ELAPOR1: variants seen among roughly 807,000 people sequenced by gnomAD.
ELAPOR1 encodes the protein endosome/lysosome-associated apoptosis and autophagy regulator 1.
A neutral mutation model predicts 119.7 loss-of-function variants in ELAPOR1; 77 were observed. That is an observed-to-expected ratio of 0.64 (90% confidence interval 0.54 to 0.78). The LOEUF (loss-of-function observed/expected upper bound fraction) is 0.78. Among genes scored for constraint, ELAPOR1 ranks in the 30% least tolerant of loss-of-function variants. The pLI is 0.00. For missense variants in ELAPOR1, 1,115 were observed against 1,270.4 expected (o/e 0.88, Z 1.86); for synonymous variants, 481 against 487.2 (o/e 0.99, Z 0.17).
chr1:109,166,204 G>A (rs1203627229), intron 3 of ELAPOR1, among the ~76,000 whole-genome samples: 1 of 151,266 alleles, frequency 6.6e-6, no homozygotes, highest in Admixed American at 6.6e-5. Flanking sequence ...GTGAGCCACC[G>A]CACCCAGCTA....
rs1257784315 is a variant in ELAPOR1 at position 109,200,804 on chromosome 1, C to G, written c.2877C>G (p.Asp959Glu). 5.6e-6 allele frequency: 9 copies of G among 1,614,218 alleles called. No individual in the cohort carries two copies. Among genetic ancestry groups the G allele is most frequent in the Non-Finnish European group, 7.6e-6 (9 of 1,180,030 alleles). ...AGGACTGTGACCTGCCAGCAGCTGACAGCTGCGCCATCATGGAAGGCGAGG... is the reference window on the plus strand; with the variant it reads ...AGGACTGTGACCTGCCAGCAGCTGAGAGCTGCGCCATCATGGAAGGCGAGG... Reference protein sequence around the residue: ...TLKDCDLPAADSCAIMEGEDV... With the variant: ...TLKDCDLPAAESCAIMEGEDV... Residue 959 changes from aspartate to glutamate, a missense_variant, in exon 21 of 22, where the codon GAC becomes GAG. Coordinates refer to ENST00000369939, the MANE Select transcript of ELAPOR1 (RefSeq NM_020775.5).
intron 5 of ELAPOR1, 68 bp downstream of exon 5, chr1:109,172,636 G>A: frequency 8.5e-7 from 1 of 1,182,918 alleles, no homozygotes; most frequent in Admixed American, 1.8e-5. Context: ...CTCAGAGAGT[G>A]CTTCCTCCCA....
chr1:109,202,427 T>C (rs1654233182), intron 21 of ELAPOR1, among the ~76,000 whole-genome samples: 2 of 148,222 alleles, frequency 1.3e-5, no homozygotes, highest in Admixed American at 1.4e-4. Context: ...GCCAAAAACA[T>C]TTTTTTAAAA....
rs953818223 is a variant in ELAPOR1 at position 109,114,348 on chromosome 1, C to G, written c.153+12C>G. The stretch of plus-strand genomic sequence containing the variant: ...ATGCCTGCAAAGAGGTACTGCCGCC[C>G]CCCTACCCGATCCCGCTTTGGTCAC... On this transcript the variant is annotated intron_variant, in intron 1 of 21. Transcript: ENST00000369939. 1.3e-6 allele frequency: 2 copies of G among 1,568,482 alleles called. No individual in the cohort carries two copies. The highest frequency in any genetic ancestry group is 1.7e-6 in the Non-Finnish European group (2 of 1,156,848).
intron 1 of ELAPOR1, among the ~76,000 whole-genome samples, chr1:109,136,687 A>C (rs545821789): frequency 1.0e-3 from 153 of 152,334 alleles, no homozygotes; most frequent in African/African-American, 3.5e-3. Context: ...AATTGTAGGT[A>C]TAATTACTGC....
intron 7 of ELAPOR1, among the ~76,000 whole-genome samples, chr1:109,178,954 T>A (rs35522814): frequency 6.8e-6 from 1 of 146,708 alleles, no homozygotes; most frequent in Non-Finnish European, 1.5e-5. Context: ...GACAGAATAA[T>A]ACTGTCTCAA....
chr1:109,187,413 G>A, intron 8 of ELAPOR1: 3 of 988,316 alleles, frequency 3.0e-6, no homozygotes, highest in Non-Finnish European at 3.6e-6. Context: ...TTAAGGACTT[G>A]TTTCTTATCT....
At chr1:109,118,316 A>C (rs1045896577) in intron 1 of ELAPOR1, among the ~76,000 whole-genome samples, 2 of 152,234 alleles carry the variant, frequency 1.3e-5, no homozygotes, top group Non-Finnish European at 2.9e-5. Context: ...ACTTGCAAGC[A>C]GACCAGCTGG....
At chr1:109,173,011 C>T (rs1366853433) in intron 5 of ELAPOR1, among the ~76,000 whole-genome samples, 1 of 150,264 alleles carries the variant, frequency 6.7e-6, no homozygotes, top group Non-Finnish European at 1.5e-5. Context: ...GCAGGAGACT[C>T]GCTTGAACCC....
chr1:109,199,829 T>C (rs769380280), intron 18 of ELAPOR1, 25 bp from the exon 19 acceptor site: 2 of 1,606,760 alleles, frequency 1.2e-6, no homozygotes, highest in South Asian at 1.1e-5. Context: ...GAGTGAGAGC[T>C]CAGGTCTCTT....
At chr1:109,183,340 A>C (rs1204580171) in intron 7 of ELAPOR1, among the ~76,000 whole-genome samples, 3 of 45,344 alleles carry the variant, frequency 6.6e-5, no homozygotes, top group African/African-American at 1.1e-4. Context: ...AAAAAAAAAA[A>C]AAAAAAAACA....
intron 1 of ELAPOR1, among the ~76,000 whole-genome samples, chr1:109,125,298 T>C (rs1204295173): frequency 6.6e-6 from 1 of 151,990 alleles, no homozygotes; most frequent in Non-Finnish European, 1.5e-5. Context: ...CTCGAACTCC[T>C]GACCTCAAGT....
chr1:109,176,855 G>T (rs1312422275), intron 7 of ELAPOR1, among the ~76,000 whole-genome samples: 1 of 142,088 alleles, frequency 7.0e-6, no homozygotes, highest in Non-Finnish European at 1.5e-5. Context: ...AGCACATCTT[G>T]CACCGCCCTT....
At position 109,192,829 on chromosome 1, in the gene ELAPOR1, T is replaced by A. The variant is rs767858845; in HGVS notation, c.1902T>A (p.Gly634=). The A allele has an allele frequency of 6.2e-7, 1 of 1,614,094 alleles. No individual in the cohort carries two copies. The highest frequency in any genetic ancestry group is 8.5e-7 in the Non-Finnish European group (1 of 1,180,032). ...TTCTGAAAGCCCACCAGCCTTATGG[T>A]GTCCAGGCCTGTGTGCCCTGTGGTC... The part of the protein sequence containing the change: ...NTILKAHQPY[G]VQACVPCGPG... Residue 634 remains glycine (G), a synonymous_variant, in exon 14 of 22, where the codon GGT becomes GGA. Coordinates refer to ENST00000369939, the MANE Select transcript of ELAPOR1 (RefSeq NM_020775.5).
intron 1 of ELAPOR1, among the ~76,000 whole-genome samples, chr1:109,149,957 G>C (rs1031750346): frequency 6.6e-6 from 1 of 152,180 alleles, no homozygotes; most frequent in African/African-American, 2.4e-5. Flanking sequence ...GTACAGTGCC[G>C]GGCCCCGAGC....
At chr1:109,185,270 AGG>A in intron 8 of ELAPOR1, 137 bp downstream of exon 8, 1 of 674,776 alleles carries the variant, frequency 1.5e-6, no homozygotes, top group Admixed American at 2.7e-5. Context: ...AGGTGACCCT[AGG>A]GCTAGGTGGG....
chr1:109,114,273 C>G lies in ELAPOR1; in HGVS notation c.90C>G (p.Leu30=). Residue 30 remains leucine (L), a synonymous_variant, in exon 1 of 22, where the codon CTC becomes CTG. Coordinates refer to ENST00000369939, the MANE Select transcript of ELAPOR1 (RefSeq NM_020775.5). ...TACCCCGGCTGTGGCGGCTGCTGCTCTGGGCTGGGACCGCCTTCCAGGTGA... is the reference window on the plus strand; with the variant it reads ...TACCCCGGCTGTGGCGGCTGCTGCTGTGGGCTGGGACCGCCTTCCAGGTGA... ...RRIPRLWRLL[L]WAGTAFQVTQ... The G allele has an allele frequency of 1.9e-6, 3 of 1,600,410 alleles. No individual in the cohort carries two copies. Among genetic ancestry groups the G allele is most frequent in the Non-Finnish European group, 2.6e-6 (3 of 1,173,776 alleles).
intron 7 of ELAPOR1, among the ~76,000 whole-genome samples, chr1:109,184,797 G>A (rs1183585903): frequency 6.6e-6 from 1 of 152,206 alleles, no homozygotes; most frequent in Non-Finnish European, 1.5e-5. Flanking sequence ...GGCGGGGGAC[G>A]GGAAGCGGCA....
At chr1:109,130,357 G>T (rs1649074845) in intron 1 of ELAPOR1, among the ~76,000 whole-genome samples, 1 of 152,100 alleles carries the variant, frequency 6.6e-6, no homozygotes, top group Non-Finnish European at 1.5e-5. Flanking sequence ...TGTATGGGTT[G>T]GAGTGGTTAA....
Sources: allele counts gnomAD v4.1 joint callset (sites outside exome capture counted in the v4.1 genomes callset), GRCh38; gene constraint gnomAD v4.1.1; transcripts MANE v1.5; gene names NCBI Gene and HGNC (gene_info 2026-07-23, HGNC 2026-07-21).